PCDHA3: variants seen among roughly 807,000 people sequenced by gnomAD.
PCDHA3 encodes protocadherin alpha-3.
In PCDHA3, 41 loss-of-function variants were observed where a neutral mutation model predicts 62.2. That is an observed-to-expected ratio of 0.66 (90% confidence interval 0.51 to 0.86). The LOEUF is 0.86. Ranked by LOEUF, PCDHA3 falls within the 40% of genes least tolerant of loss-of-function variation. The pLI is 0.00. For synonymous variants in PCDHA3, 640 were observed against 555.4 expected (o/e 1.15, Z -2.14); for missense variants, 1,304 against 1,241.2 (o/e 1.05, Z -0.76).
Position 140,844,029 on chromosome 5 carries a change from A to C in PCDHA3, c.2394+40438A>C, listed in dbSNP as rs1554140517. Among the ~76,000 whole-genome samples the C allele has an allele frequency of 2.7e-5, 4 of 149,808 alleles. 1 individual carries two copies. The East Asian group carries it at 7.7e-4, about 29-fold the overall frequency. On this transcript the variant is annotated intron_variant, in intron 1 of 3. Coordinates refer to ENST00000522353, the MANE Select transcript of PCDHA3 (RefSeq NM_018906.3). ...CTCTAAGGACGTTCAGGGCATTTTG[A>C]TCTTTGGTGAAAGTATTCCCCCAAA...
At chr5:140,968,986 A>ATGCTGTGGAGGC (rs782197469) in intron 1 of PCDHA3, 25 of 1,614,206 alleles carry the variant, frequency 1.5e-5, no homozygotes, top group Non-Finnish European at 1.9e-5. Flanking sequence ...ATGGCACTGC[A>ATGCTGTGGAGGC]TGCTGTGGAG....
At position 140,875,345 on chromosome 5, in the gene PCDHA3, A is replaced by T. The variant is rs183266244; in HGVS notation, c.2394+71754A>T. 3,872 of 1,443,290 alleles carry T rather than the reference A, an allele frequency of 2.7e-3. 16 individuals are homozygous for T. The highest frequency in any genetic ancestry group is 0.011 in the African/African-American group (735 of 69,882). 89.4% of individuals were successfully genotyped at this position (1,443,290 alleles called of 1,614,324 possible). On this transcript the variant is annotated intron_variant, in intron 1 of 3. Coordinates refer to ENST00000522353, the MANE Select transcript of PCDHA3 (RefSeq NM_018906.3). ...TTCACGGAATAGGATCGACTCCATA[A>T]TGACTGTGATGCTGGAAAAAATTTA...
At chr5:140,814,743 A>G (rs1554126583) in intron 1 of PCDHA3, 2 of 152,286 alleles carry the variant, frequency 1.3e-5, no homozygotes, top group African/African-American at 4.8e-5. Flanking sequence ...TTATAATCTT[A>G]TGGGACTACT....
chr5:141,006,568 T>C (rs2098278532), intron 3 of PCDHA3, among the ~76,000 whole-genome samples: 1 of 152,110 alleles, frequency 6.6e-6, no homozygotes, highest in Non-Finnish European at 1.5e-5. Flanking sequence ...CTCTGGCTAC[T>C]GTGTGGAGGG....
chr5:140,865,891 G>T (rs2153226953), intron 1 of PCDHA3: 1 of 152,240 alleles, frequency 6.6e-6, no homozygotes, highest in African/African-American at 2.4e-5. Context: ...AGCACAAATT[G>T]TGTACAGGCA....
rs1266329271 is a variant in PCDHA3 at position 140,801,318 on chromosome 5, C to T, written c.121C>T (p.His41Tyr). 1.9e-6 allele frequency: 3 copies of T among 1,613,344 alleles called. No homozygotes were observed. The East Asian group carries it at 6.7e-5, about 36-fold the overall frequency. ...CTACTCCGTCTCTGAGGAGGCCAAG[C>T]ATGGCACCTTCGTGGGCCGCATCGC... ...LHYSVSEEAKHGTFVGRIAQD... is the reference protein window; with the variant it reads ...LHYSVSEEAKYGTFVGRIAQD... Residue 41 changes from histidine (H) to tyrosine (Y), a missense_variant, in exon 1 of 4, where the codon CAT (histidine) becomes TAT (tyrosine). By Grantham distance (83) the His-to-Tyr change is moderately conservative (BLOSUM62 2). Coordinates refer to ENST00000522353, the MANE Select transcript of PCDHA3 (RefSeq NM_018906.3).
chr5:140,880,707 G>A (rs1017608107), intron 1 of PCDHA3, among the ~76,000 whole-genome samples: 2 of 152,180 alleles, frequency 1.3e-5, no homozygotes, highest in East Asian at 3.8e-4. Context: ...TGACAATGTT[G>A]AGCAGCTTAA....
At chr5:140,836,794 C>A in intron 1 of PCDHA3, 1 of 1,396,740 alleles carries the variant, frequency 7.2e-7, no homozygotes, top group Non-Finnish European at 9.8e-7. Context: ...TTCAATTGGT[C>A]TCCTTAAATT....
In PCDHA3 at chr5:140,843,230, C is replaced by A. The variant is rs1225755586; in HGVS notation, c.2394+39639C>A. On this transcript the variant is annotated intron_variant, in intron 1 of 3. Transcript: ENST00000522353. ...GGGCGAGATCAGCACCACTCGTGTC[C>A]TGGACGAAGCGGACTCTCCGCGCCA... 4 of 1,596,146 alleles carry A rather than the reference C, an allele frequency of 2.5e-6. 1 individual carries two copies. In the African/African-American group the frequency reaches 5.4e-5, roughly 21 times the overall value.
chr5:140,833,753 C>CAT (rs1554133947), intron 1 of PCDHA3, among the ~76,000 whole-genome samples: 1 of 148,592 alleles, frequency 6.7e-6, no homozygotes, highest in East Asian at 1.9e-4. Context: ...AAAAAGAAAA[C>CAT]ACACACACAC....
At chr5:140,917,326 G>GT (rs1425389614) in intron 1 of PCDHA3, among the ~76,000 whole-genome samples, 1 of 149,490 alleles carries the variant, frequency 6.7e-6, no homozygotes, top group Non-Finnish European at 1.5e-5. Flanking sequence ...TCATGTGGCG[G>GT]GGGAGGGGGG....
At chr5:140,981,725 A>T (rs1554243280) in intron 2 of PCDHA3, among the ~76,000 whole-genome samples, 1 of 151,396 alleles carries the variant, frequency 6.6e-6, no homozygotes, top group Non-Finnish European at 1.5e-5. Context: ...TCCAACAAAT[A>T]TTTGAGAGAT....
intron 1 of PCDHA3, chr5:140,850,636 C>G (rs782210334): frequency 1.9e-6 from 3 of 1,598,538 alleles, no homozygotes; most frequent in Non-Finnish European, 2.6e-6. Context: ...TTGGTTCTCA[C>G]GCTGCTGCTG....
chr5:140,924,057 T>C (rs1337031156), intron 1 of PCDHA3, among the ~76,000 whole-genome samples: 2 of 152,258 alleles, frequency 1.3e-5, no homozygotes, highest in Non-Finnish European at 2.9e-5. Context: ...GGTACATCTT[T>C]ACAGTTGTAT....
At chr5:140,853,449 G>C (rs1331170631) in intron 1 of PCDHA3, 1 of 979,994 alleles carries the variant, frequency 1.0e-6, no homozygotes, top group East Asian at 1.1e-4. Flanking sequence ...TGCCTAATAG[G>C]TCTCCTTATA....
intron 1 of PCDHA3, chr5:140,876,299 A>G: frequency 1.2e-6 from 2 of 1,614,062 alleles, no homozygotes; most frequent in South Asian, 2.2e-5. Context: ...CTTAATGGAG[A>G]AATTTCCTAT....
chr5:140,964,968 G>A lies in PCDHA3; in HGVS notation c.2395-13981G>A, dbSNP rs566051914. On this transcript the variant is annotated intron_variant, in intron 1 of 3. Coordinates refer to ENST00000522353, the MANE Select transcript of PCDHA3 (RefSeq NM_018906.3). ...GAGTGTGCTTGGTTGGTGGAACGAA[G>A]GGATGTGCTAGTTCAGGCCTTTGAA... 3.9e-5 allele frequency among the ~76,000 whole-genome samples: 6 copies of A among 152,326 alleles called. No individual in the cohort carries two copies. In the South Asian group the frequency reaches 1.0e-3, roughly 26 times the overall value.
At chr5:140,966,697 G>T (rs2096039921) in intron 1 of PCDHA3, 1 of 1,363,184 alleles carries the variant, frequency 7.3e-7, no homozygotes, top group Admixed American at 3.6e-5. Context: ...GCGGGGCCCG[G>T]GCGTGGGGCA....
intron 1 of PCDHA3, among the ~76,000 whole-genome samples, chr5:140,962,962 A>G (rs1273558602): frequency 1.3e-5 from 2 of 152,194 alleles, no homozygotes; most frequent in South Asian, 2.1e-4. Flanking sequence ...CTATCCCTAT[A>G]TAGGAAATTT....
Sources: allele counts gnomAD v4.1 joint callset (sites outside exome capture counted in the v4.1 genomes callset), GRCh38; gene constraint gnomAD v4.1.1; transcripts MANE v1.5; gene names NCBI Gene and HGNC (gene_info 2026-07-23, HGNC 2026-07-21).